ALDH3A2: variants seen among roughly 807,000 people sequenced by gnomAD.
The protein encoded by ALDH3A2 is aldehyde dehydrogenase 3 family member A2.
In ALDH3A2, 36 loss-of-function variants were observed where a neutral mutation model predicts 51.3. That is an observed-to-expected ratio of 0.70 (90% CI 0.54 to 0.93). The LOEUF (loss-of-function observed/expected upper bound fraction) is 0.93. ALDH3A2 is among the 40% of genes least tolerant of loss of function. ALDH3A2 has a pLI of 0.00. For synonymous variants in ALDH3A2, 199 were observed against 219.8 expected (o/e 0.91, Z 0.84); for missense variants, 552 against 603.1 (o/e 0.92, Z 0.89).
intron 9 of ALDH3A2, chr17:19,673,282 A>G: frequency 6.2e-7 from 1 of 1,613,622 alleles, no homozygotes; most frequent in Non-Finnish European, 8.5e-7. Context: ...TGAGGTAGGA[A>G]CTTTTTGTTT....
chr17:19,675,560 A>G lies in ALDH3A2; in HGVS notation c.1446A>G (p.Ala482=). The change falls in exon 10 of 10, where the codon GCA becomes GCG. Residue 482 remains alanine, a splice_region_variant and synonymous_variant. Transcript: ENST00000176643. ...LGIVAAVLVK[A]EYY The stretch of plus-strand genomic sequence containing the variant: ...GAATCCTTTTTTCCTCTCTCCAGGC[A>G]GAATATTACTGAAGAATGATCCTGT... 1 of 1,613,272 alleles carries G rather than the reference A, an allele frequency of 6.2e-7. No individual in the cohort carries two copies. Among genetic ancestry groups the G allele is most frequent in the African/African-American group, 1.3e-5 (1 of 74,938 alleles).
chr17:19,670,353 G>T (rs2085095700), intron 8 of ALDH3A2, among the ~76,000 whole-genome samples: 1 of 151,868 alleles, frequency 6.6e-6, no homozygotes, highest in South Asian at 2.1e-4. Context: ...ACAAAACTTT[G>T]TAATTTCCTT....
chr17:19,657,796 C>G lies in ALDH3A2; in HGVS notation c.732C>G (p.Pro244=). ...YMNCGQTCIA[P]DYILCEASLQ... ...ATTGTGGCCAAACCTGCATTGCACC[C>G]GACTATATTCTCTGTGAAGCATCCC... Residue 244 remains proline, a synonymous_variant, in exon 5 of 10, where the codon CCC becomes CCG. Coordinates refer to ENST00000176643, the MANE Select transcript of ALDH3A2 (RefSeq NM_000382.3). 1 of 1,614,002 alleles carries G rather than the reference C, an allele frequency of 6.2e-7. No homozygotes were observed. The highest frequency in any genetic ancestry group is 8.5e-7 in the Non-Finnish European group (1 of 1,179,926).
At chr17:19,665,410 G>T (rs893060340) in intron 8 of ALDH3A2, among the ~76,000 whole-genome samples, 15 of 133,332 alleles carry the variant, frequency 1.1e-4, no homozygotes, top group East Asian at 6.0e-4. Context: ...TGTGTGTGTG[G>T]TGTGTGTGTT....
chr17:19,661,632 C>T (rs1035747770), intron 6 of ALDH3A2, among the ~76,000 whole-genome samples: 6 of 152,282 alleles, frequency 3.9e-5, no homozygotes, highest in East Asian at 1.9e-4. Flanking sequence ...TAACCAGTGA[C>T]GGTACCATTC....
intron 3 of ALDH3A2, among the ~76,000 whole-genome samples, chr17:19,653,234 G>GT (rs942256978): frequency 6.6e-6 from 1 of 151,766 alleles, no homozygotes; most frequent in Non-Finnish European, 1.5e-5. Flanking sequence ...TGGTAGCGAT[G>GT]GGGTTTCACC....
intron 3 of ALDH3A2, among the ~76,000 whole-genome samples, chr17:19,655,744 T>C (rs997568495): frequency 2.6e-5 from 4 of 152,248 alleles, no homozygotes; most frequent in African/African-American, 7.2e-5. Context: ...CTGGTAATGA[T>C]AGCACAATGC....
Position 19,648,777 on chromosome 17 carries a change from C to A in ALDH3A2, c.-195C>A. ...GTCCTCCCCCGGCGCCTCCGACTGG[C>A]AGTGGGACTCAGCGGGCGTGGAGGT... On this transcript the variant is annotated 5_prime_UTR_variant, in exon 1 of 10. Coordinates refer to ENST00000176643, the MANE Select transcript of ALDH3A2 (RefSeq NM_000382.3). The A allele has an allele frequency of 2.8e-6, 2 of 716,640 alleles. No homozygotes were observed. The highest frequency in any genetic ancestry group is 2.6e-5 in the Admixed American group (1 of 38,554). 44.4% of individuals were successfully genotyped at this position (716,640 alleles called of 1,614,324 possible).
In ALDH3A2 at chr17:19,654,839, G is replaced by A. The variant is rs940245332; in HGVS notation, c.472-1527G>A. On this transcript the variant is annotated intron_variant, in intron 3 of 9. Transcript: ENST00000176643. This position sits in a 1 kb window ranked among gnomAD's most constrained non-coding sequence, Gnocchi z 4.5. Reference sequence around the variant, plus strand: ...CCAAGGCCAAGGAGGTGCTGAGAGCGAGCAAGGGTTGCCCGCACGCTCTCA... The same window carrying A: ...CCAAGGCCAAGGAGGTGCTGAGAGCAAGCAAGGGTTGCCCGCACGCTCTCA... Among the ~76,000 whole-genome samples, 13 of 152,096 alleles carry A rather than the reference G, an allele frequency of 8.5e-5. No individual in the cohort carries two copies. The highest frequency in any genetic ancestry group is 7.9e-4 in the Admixed American group (12 of 15,282).
At chr17:19,650,052 C>G (rs1357160907) in intron 1 of ALDH3A2, 2 of 152,318 alleles carry the variant, frequency 1.3e-5, no homozygotes, top group African/African-American at 2.4e-5. Flanking sequence ...GCTGGGATTA[C>G]AGGCGTGCGC....
chr17:19,662,199 T>A (rs1042741463), intron 6 of ALDH3A2: 1 of 152,264 alleles, frequency 6.6e-6, no homozygotes, highest in Non-Finnish European at 1.5e-5. Context: ...AGGAAGGGGC[T>A]ATCCTGATTA....
chr17:19,664,074 G>A (rs924583487), intron 7 of ALDH3A2, among the ~76,000 whole-genome samples: 2 of 152,200 alleles, frequency 1.3e-5, no homozygotes, highest in African/African-American at 4.8e-5. Flanking sequence ...TGGCCCAAAT[G>A]TTTTCTGGAG....
At position 19,676,803 on chromosome 17, in the gene ALDH3A2, A is replaced by G. The variant is rs535493615; in HGVS notation, c.*1231A>G. On this transcript the variant is annotated 3_prime_UTR_variant, in exon 10 of 10. Transcript: ENST00000176643. The stretch of plus-strand genomic sequence containing the variant: ...AAGTAAAATTTCACTTTTTGAAACT[A>G]TAGAGAGATCCCTTTCTGATTAGCC... The G allele has an allele frequency of 6.6e-6, 1 of 152,348 alleles. No individual in the cohort carries two copies. 9.4% of individuals were successfully genotyped at this position (152,348 alleles called of 1,614,324 possible). A position where few individuals can be genotyped will look rare whatever the true frequency, so the allele number is the denominator to read the frequency against.
intron 8 of ALDH3A2, among the ~76,000 whole-genome samples, chr17:19,668,706 CA>C (rs577959985): frequency 0.019 from 2,015 of 104,108 alleles, 456 homozygotes; most frequent in Middle Eastern, 0.06. Flanking sequence ...ACCTGGCTAA[CA>C]TGGTGAAACC....
In ALDH3A2 at chr17:19,663,443, T is replaced by A; in HGVS notation, c.1051T>A (p.Phe351Ile). The A allele has an allele frequency of 6.2e-7, 1 of 1,614,190 alleles. No homozygotes were observed. Among genetic ancestry groups the A allele is most frequent in the African/African-American group, 1.3e-5 (1 of 75,056 alleles). The change falls in exon 7 of 10, where the codon TTC (phenylalanine) becomes ATC (isoleucine). Residue 351 changes from phenylalanine (F) to isoleucine (I), a missense_variant. Coordinates refer to ENST00000176643, the MANE Select transcript of ALDH3A2 (RefSeq NM_000382.3). ...PVKNVDEAIN[F>I]INEREKPLAL... ...GAAAAATGTAGATGAGGCCATAAAT[T>A]TCATAAATGAACGTGAAAAGCCTCT... is the stretch of plus-strand genomic sequence containing the variant.
Position 19,648,890 on chromosome 17 carries a change from G to A in ALDH3A2, c.-82G>A. 2 of 1,510,064 alleles carry A rather than the reference G, an allele frequency of 1.3e-6. No homozygotes were observed. The highest frequency in any genetic ancestry group is 1.8e-6 in the Non-Finnish European group (2 of 1,122,272). The allele number at this position is 1,510,064 out of a possible 1,614,324, so 93.5% of individuals were successfully genotyped here. ...CCCCCGGAGGGAGGCGGAGGGAAGG[G>A]AGGCGAGGCCTGCACCTGCATGCTT... On this transcript the variant is annotated 5_prime_UTR_variant, in exon 1 of 10. Coordinates refer to ENST00000176643, the MANE Select transcript of ALDH3A2 (RefSeq NM_000382.3).
At chr17:19,661,946 C>T (rs904265401) in intron 6 of ALDH3A2, 2 of 151,826 alleles carry the variant, frequency 1.3e-5, no homozygotes, top group African/African-American at 4.8e-5. Context: ...TTAGCAGTCC[C>T]GAGGTTCTCC....
chr17:19,650,119 C>T (rs891837850), intron 1 of ALDH3A2, among the ~76,000 whole-genome samples: 7 of 152,002 alleles, frequency 4.6e-5, no homozygotes, highest in African/African-American at 1.7e-4. Context: ...ACCATGTTGA[C>T]CAAGCTGGTC....
In ALDH3A2 at chr17:19,656,466, A is replaced by G. The variant is rs747414379; in HGVS notation, c.572A>G (p.Lys191Arg). Residue 191 changes from lysine to arginine, a missense_variant, in exon 4 of 10, where the codon AAA (lysine) becomes AGA (arginine). Lys to Arg is a conservative substitution (Grantham distance 26). Transcript: ENST00000176643. ...IFYTGNTAVG[K>R]IVMEAAAKHL... is the part of the protein sequence containing the mutation. ...TATACGGGAAACACTGCGGTTGGCA[A>G]AATTGTCATGGAAGCTGCTGCCAAG... is the stretch of plus-strand genomic sequence containing the variant. 2.5e-6 allele frequency: 4 copies of G among 1,614,172 alleles called. No homozygotes were observed. The highest frequency in any genetic ancestry group is 1.7e-6 in the Non-Finnish European group (2 of 1,180,034).
Sources: gnomAD v4.1 joint callset for allele counts (sites outside exome capture counted in the v4.1 genomes callset) on GRCh38, gnomAD v4.1.1 for gene constraint, Gnocchi (gnomAD v3.1) non-coding constraint, MANE v1.5 for transcripts, NCBI Gene and HGNC (gene_info 2026-07-23, HGNC 2026-07-21) for gene names.